The following CALCR variants were observed in gnomAD, a reference collection of about 807,000 sequenced individuals.
The protein encoded by CALCR is calcitonin receptor.
Under a neutral mutation model 59.5 loss-of-function variants are expected in CALCR, and 47 were observed. The observed-to-expected ratio is 0.79, with a 90% CI of 0.63 to 1.01. The LOEUF (loss-of-function observed/expected upper bound fraction) is 1.01. CALCR is among the 50% of genes least tolerant of loss of function. The probability of loss-of-function intolerance (pLI) is 0.00; values close to 1 mark genes in which losing one functional copy is unlikely to be tolerated. For synonymous variants in CALCR, 213 were observed against 211.3 expected (o/e 1.01, Z -0.07); for missense variants, 566 against 597.1 (o/e 0.95, Z 0.54).
intron 2 of CALCR, among the ~76,000 whole-genome samples, chr7:93,538,994 T>G (rs988436753): frequency 4.6e-5 from 7 of 152,156 alleles, no homozygotes; most frequent in African/African-American, 1.7e-4. Flanking sequence ...GAAATTCCAC[T>G]CTATTCTTCT....
chr7:93,438,247 T>C lies in CALCR; in HGVS notation c.826A>G (p.Ile276Val), dbSNP rs775005296. The change falls in exon 10 of 14, where the codon ATC becomes GTC. Residue 276 changes from isoleucine (I) to valine (V), a missense_variant. Physicochemically the swap from Ile to Val is conservative, Grantham distance 29 (BLOSUM62 3). Transcript: ENST00000426151. ...TACACGGCCCTGGTAATAGCATGGA[T>C]AGTGGTTGGCACCAGCGGGAACCCT... ...GWGFPLVPTT[I>V]HAITRAVYFN... is the part of the protein sequence containing the mutation. 6.8e-6 allele frequency: 11 copies of C among 1,613,534 alleles called. No individual in the cohort carries two copies. The African/African-American group carries it at 1.1e-4, about 16-fold the overall frequency.
chr7:93,428,204 A>C (rs4729089), intron 13 of CALCR, among the ~76,000 whole-genome samples: 9,492 of 152,284 alleles, frequency 0.062, 436 homozygotes, highest in Admixed American at 0.14. Context: ...GTGTTTACTA[A>C]GTACCGTATC....
At chr7:93,479,306 T>C (rs775005159) in intron 4 of CALCR, 48 bp downstream of exon 4, 6 of 1,507,036 alleles carry the variant, frequency 4.0e-6, no homozygotes, top group Middle Eastern at 1.8e-4. Flanking sequence ...AAAGAAAATG[T>C]CTGTAATGGT....
In CALCR at chr7:93,426,434, AT is replaced by A. The variant is rs1216499305; in HGVS notation, c.1346del (p.Asn449MetfsTer17). 27 of 1,613,976 alleles carry A rather than the reference AT, an allele frequency of 1.7e-5. No homozygotes were observed. Among genetic ancestry groups the A allele is most frequent in the Non-Finnish European group, 2.2e-5 (26 of 1,179,908 alleles). On this transcript the variant is annotated frameshift_variant, in exon 14 of 14. Transcript: ENST00000426151. LOFTEE classifies it high-confidence loss of function. ...CCTCGCCTTGGTTGTTGGCTGGTTC[AT>A]TCCTCAGCTCCTGATGGCAGATGTA... ...PIYICHQELR[N>X]EPANNQGEES...
intron 2 of CALCR, among the ~76,000 whole-genome samples, chr7:93,505,472 C>G (rs1243480622): frequency 6.6e-6 from 1 of 152,152 alleles, no homozygotes; most frequent in African/African-American, 2.4e-5. Context: ...AACCAAGACT[C>G]AGGGAGGAGA....
chr7:93,458,657 G>A (rs1014523137), intron 8 of CALCR, among the ~76,000 whole-genome samples: 1 of 152,090 alleles, frequency 6.6e-6, no homozygotes, highest in Non-Finnish European at 1.5e-5. Flanking sequence ...GTTGCCATAG[G>A]CTGGCCGTGT....
intron 2 of CALCR, among the ~76,000 whole-genome samples, chr7:93,557,164 T>C (rs1290994554): frequency 6.6e-6 from 1 of 152,034 alleles, no homozygotes; most frequent in Non-Finnish European, 1.5e-5. Flanking sequence ...GTTTTGCCTC[T>C]TTCTTGCTAG....
intron 2 of CALCR, among the ~76,000 whole-genome samples, chr7:93,569,523 C>T (rs575792746): frequency 6.6e-6 from 1 of 152,196 alleles, no homozygotes; most frequent in South Asian, 2.1e-4. Flanking sequence ...GGGTAACCTC[C>T]CTAGAAAATT....
intron 2 of CALCR, among the ~76,000 whole-genome samples, chr7:93,556,130 GA>G (rs1789599136): frequency 6.6e-6 from 1 of 152,140 alleles, no homozygotes; most frequent in Non-Finnish European, 1.5e-5. Flanking sequence ...GGGGATACTT[GA>G]ATTTTTTTCT....
At chr7:93,496,204 T>C (rs1014373490) in intron 2 of CALCR, among the ~76,000 whole-genome samples, 1 of 151,488 alleles carries the variant, frequency 6.6e-6, no homozygotes, top group Non-Finnish European at 1.5e-5. Context: ...CAGCATAAAA[T>C]AAAGTTTCCA....
At chr7:93,475,931 T>A (rs1391449526) in intron 5 of CALCR, among the ~76,000 whole-genome samples, 1 of 151,806 alleles carries the variant, frequency 6.6e-6, no homozygotes, top group Non-Finnish European at 1.5e-5. Context: ...AAATACTCTA[T>A]GTGTGGACTG....
intron 5 of CALCR, among the ~76,000 whole-genome samples, chr7:93,474,289 A>T (rs993977434): frequency 2.0e-5 from 3 of 151,664 alleles, no homozygotes; most frequent in African/African-American, 4.8e-5. Flanking sequence ...CACACTGTAA[A>T]ACTAGTATAA....
intron 9 of CALCR, among the ~76,000 whole-genome samples, chr7:93,440,698 A>G (rs1199198180): frequency 1.3e-5 from 2 of 152,090 alleles, no homozygotes; most frequent in Admixed American, 6.6e-5. Context: ...AAATTTTTAT[A>G]TTATTCTGGC....
At chr7:93,496,440 A>G (rs1801205424) in intron 2 of CALCR, among the ~76,000 whole-genome samples, 2 of 151,438 alleles carry the variant, frequency 1.3e-5, no homozygotes, top group African/African-American at 4.8e-5. Context: ...CTCAATGGCA[A>G]TTTCTAAACC....
chr7:93,437,400 G>T (rs1211317623), intron 11 of CALCR, among the ~76,000 whole-genome samples: 2 of 152,046 alleles, frequency 1.3e-5, no homozygotes, highest in African/African-American at 4.8e-5. Flanking sequence ...TAATGACCTA[G>T]AGTTAGAGAT....
At chr7:93,522,926 A>G (rs1341512993) in intron 2 of CALCR, among the ~76,000 whole-genome samples, 1 of 152,236 alleles carries the variant, frequency 6.6e-6, no homozygotes, top group African/African-American at 2.4e-5. Flanking sequence ...ATTTTTAATT[A>G]GCTTATTACT....
chr7:93,455,684 C>A (rs1046870273), intron 8 of CALCR, among the ~76,000 whole-genome samples: 6 of 151,980 alleles, frequency 3.9e-5, no homozygotes, highest in Non-Finnish European at 8.8e-5. Context: ...GCAATAAAAT[C>A]TTTCCTAGTT....
At chr7:93,462,865 A>G (rs903859509) in intron 7 of CALCR, among the ~76,000 whole-genome samples, 2 of 151,964 alleles carry the variant, frequency 1.3e-5, no homozygotes, top group African/African-American at 4.8e-5. Flanking sequence ...CTTAACACTT[A>G]TCACCTGCTG....
chr7:93,480,017 C>A (rs1800759642), intron 3 of CALCR, among the ~76,000 whole-genome samples: 2 of 151,980 alleles, frequency 1.3e-5, no homozygotes, highest in African/African-American at 4.8e-5. Flanking sequence ...ATGGAACAAA[C>A]AAAATATGTT....
Sources: allele counts gnomAD v4.1 joint callset (sites outside exome capture counted in the v4.1 genomes callset), GRCh38; gene constraint gnomAD v4.1.1; transcripts MANE v1.5; gene names NCBI Gene and HGNC (gene_info 2026-07-23, HGNC 2026-07-21).